Variants in KLHL20 observed in about 807,000 individuals in gnomAD.
The protein encoded by KLHL20 is kelch-like protein 20.
In KLHL20, 29 loss-of-function variants were observed where a neutral mutation model predicts 69.5. That is an observed-to-expected ratio of 0.42 (90% CI 0.31 to 0.57). The LOEUF (loss-of-function observed/expected upper bound fraction) is 0.57. KLHL20 is among the 20% of genes least tolerant of loss of function. The pLI, the probability that KLHL20 is intolerant of heterozygous loss-of-function variation, is 0.18. For synonymous variants in KLHL20, 253 were observed against 265.2 expected, an observed-to-expected ratio of 0.95 and a Z score of 0.45; for missense variants, 419 against 776.0, an observed-to-expected ratio of 0.54 and a Z score of 5.47.
At chr1:173,774,239 T>G (rs1202623782) in intron 8 of KLHL20, 66 bp from the exon 9 acceptor site, 3 of 1,594,754 alleles carry the variant, frequency 1.9e-6, no homozygotes, top group Non-Finnish European at 2.6e-6. Flanking sequence ...TAGTGTGATT[T>G]CAGATCTTAT....
At chr1:173,748,675 C>T (rs1673173428) in intron 3 of KLHL20, among the ~76,000 whole-genome samples, 1 of 152,032 alleles carries the variant, frequency 6.6e-6, no homozygotes, top group African/African-American at 2.4e-5. Context: ...GTGCAGCACA[C>T]CAACATGGCA....
chr1:173,775,305 C>T (rs1361287515), intron 9 of KLHL20, among the ~76,000 whole-genome samples: 1 of 152,112 alleles, frequency 6.6e-6, no homozygotes, highest in Non-Finnish European at 1.5e-5. Context: ...CTGAATGGTG[C>T]TTATTGATCA....
At chr1:173,755,132 C>T (rs1400482509) in intron 5 of KLHL20, among the ~76,000 whole-genome samples, 2 of 149,198 alleles carry the variant, frequency 1.3e-5, no homozygotes, top group African/African-American at 5.0e-5. Context: ...AATCTCGACT[C>T]ACTGCAACCT....
intron 5 of KLHL20, 23 bp downstream of exon 5, chr1:173,753,330 A>G (rs183286586): frequency 2.0e-6 from 3 of 1,538,334 alleles, no homozygotes; most frequent in East Asian, 4.5e-5. Flanking sequence ...CTGGATGGGA[A>G]AAATCAACAA....
intron 3 of KLHL20, among the ~76,000 whole-genome samples, chr1:173,734,791 A>G (rs768803417): frequency 5.3e-4 from 81 of 152,332 alleles, no homozygotes; most frequent in Non-Finnish European, 5.6e-4. Context: ...TGTTTCAGCC[A>G]CTGTGCTTGG....
chr1:173,764,234 G>C (rs1647525449), intron 7 of KLHL20, among the ~76,000 whole-genome samples: 1 of 152,178 alleles, frequency 6.6e-6, no homozygotes, highest in African/African-American at 2.4e-5. Flanking sequence ...GTAGATGTTG[G>C]TGTGGATGCT....
intron 10 of KLHL20, among the ~76,000 whole-genome samples, chr1:173,779,638 A>G (rs928750237): frequency 1.3e-5 from 2 of 152,188 alleles, no homozygotes; most frequent in African/African-American, 4.8e-5. Flanking sequence ...GACATAAGCC[A>G]CTGCACCTGG....
At chr1:173,774,499 T>G (rs1448698621) in intron 9 of KLHL20, 61 bp downstream of exon 9, 12 of 1,587,050 alleles carry the variant, frequency 7.6e-6, no homozygotes, top group Admixed American at 3.4e-5. Flanking sequence ...TGGAGAGTCC[T>G]CCTACAAAAC....
At chr1:173,740,056 C>T (rs552856220) in intron 3 of KLHL20, among the ~76,000 whole-genome samples, 1 of 150,608 alleles carries the variant, frequency 6.6e-6, no homozygotes, top group Non-Finnish European at 1.5e-5. Flanking sequence ...TCTTTCATTT[C>T]TCTTTTGTAC....
At chr1:173,730,851 A>G (rs1222781925) in intron 2 of KLHL20, among the ~76,000 whole-genome samples, 4 of 152,228 alleles carry the variant, frequency 2.6e-5, no homozygotes, top group African/African-American at 4.8e-5. Context: ...AATGGCAGCA[A>G]AAGCCAAAAT....
intron 8 of KLHL20, among the ~76,000 whole-genome samples, chr1:173,766,680 A>G (rs1163090019): frequency 1.3e-5 from 2 of 151,660 alleles, no homozygotes; most frequent in African/African-American, 4.8e-5. Flanking sequence ...AGTAGAGCTG[A>G]ATTTAGGACA....
intron 2 of KLHL20, among the ~76,000 whole-genome samples, chr1:173,731,286 A>G (rs1337346680): frequency 2.6e-5 from 4 of 152,232 alleles, no homozygotes; most frequent in African/African-American, 9.6e-5. Flanking sequence ...AAACTAGTTC[A>G]ACCATTGTGG....
intron 2 of KLHL20, among the ~76,000 whole-genome samples, chr1:173,722,773 T>C (rs1671773477): frequency 6.7e-6 from 1 of 149,136 alleles, no homozygotes; most frequent in Admixed American, 6.7e-5. Context: ...CACCGCAACC[T>C]CTGCCTCCCA....
intron 7 of KLHL20, among the ~76,000 whole-genome samples, chr1:173,761,498 C>T (rs1187356146): frequency 6.6e-6 from 1 of 152,042 alleles, no homozygotes; most frequent in East Asian, 1.9e-4. Flanking sequence ...TAAAATGAGC[C>T]CCAATAAACT....
intron 8 of KLHL20, among the ~76,000 whole-genome samples, chr1:173,772,598 A>T (rs567925253): frequency 1.3e-4 from 20 of 152,322 alleles, no homozygotes; most frequent in African/African-American, 4.8e-4. Context: ...GATTAACCAA[A>T]CCATATTATT....
At chr1:173,772,142 C>T (rs1648135523) in intron 8 of KLHL20, among the ~76,000 whole-genome samples, 1 of 152,198 alleles carries the variant, frequency 6.6e-6, no homozygotes. Flanking sequence ...TGTCAGTGAA[C>T]ATCTCTACTC....
At chr1:173,748,697 A>G (rs1408540831) in intron 3 of KLHL20, among the ~76,000 whole-genome samples, 1 of 152,130 alleles carries the variant, frequency 6.6e-6, no homozygotes, top group Non-Finnish European at 1.5e-5. Flanking sequence ...GTGTATACAT[A>G]TGTAACTAAC....
chr1:173,760,297 G>A (rs1039064458), intron 7 of KLHL20, among the ~76,000 whole-genome samples: 2 of 95,546 alleles, frequency 2.1e-5, no homozygotes, highest in Admixed American at 1.1e-4. Context: ...AAACATACTC[G>A]GGAGAGTAAT....
intron 2 of KLHL20, among the ~76,000 whole-genome samples, chr1:173,719,112 A>AAAAAAAAAAAG (rs1266429623): frequency 1.8e-4 from 27 of 151,734 alleles, no homozygotes; most frequent in African/African-American, 6.3e-4. Flanking sequence ...CTCAAAAAAA[A>AAAAAAAAAAAG]AAAGAAAAAT....
Sources: allele counts gnomAD v4.1 joint callset (sites outside exome capture counted in the v4.1 genomes callset), GRCh38; gene constraint gnomAD v4.1.1; transcripts MANE v1.5; gene names NCBI Gene and HGNC (gene_info 2026-07-23, HGNC 2026-07-21).